Variants in FAM83F observed in about 807,000 individuals in gnomAD.
FAM83F encodes the protein protein FAM83F.
FAM83F carries 45 observed loss-of-function variants against 42.9 expected under a neutral mutation model. The ratio of observed to expected loss-of-function variants is 1.05; its 90% CI spans 0.83 to 1.35. FAM83F has a LOEUF of 1.35. Among genes scored for constraint, FAM83F ranks in the 40% most tolerant of loss-of-function variants. The probability of loss-of-function intolerance (pLI) is 0.00; values close to 1 mark genes in which losing one functional copy is unlikely to be tolerated. For missense variants in FAM83F, 617 were observed against 695.9 expected (o/e 0.89, Z 1.28); for synonymous variants, 306 against 298.3 (o/e 1.03, Z -0.27).
Position 40,021,581 on chromosome 22 carries a change from G to A in FAM83F, c.1071G>A (p.Gly357=). The change falls in exon 4 of 5, where the codon GGG becomes GGA. Residue 357 remains glycine, a synonymous_variant. Coordinates refer to ENST00000333407, the MANE Select transcript of FAM83F (RefSeq NM_138435.4). The surrounding 1 kb of genome is among the most constrained non-coding windows in gnomAD (Gnocchi z 8.7). ...GGGAGGCGGGCGGCAACCCGGAGGGGCAGGAGGAGGGCGCCAGCGGTGGCG... is the reference window on the plus strand; with the variant it reads ...GGGAGGCGGGCGGCAACCCGGAGGGACAGGAGGAGGGCGCCAGCGGTGGCG... ...QQREAGGNPE[G]QEEGASGGES... is the part of the protein sequence containing the mutation. The A allele has an allele frequency of 6.4e-7, 1 of 1,573,242 alleles. No individual in the cohort carries two copies. Among genetic ancestry groups the A allele is most frequent in the Non-Finnish European group, 8.7e-7 (1 of 1,154,622 alleles).
intron 1 of FAM83F, among the ~76,000 whole-genome samples, chr22:40,011,961 G>A (rs868376893): frequency 1.7e-4 from 26 of 152,264 alleles, no homozygotes; most frequent in African/African-American, 6.0e-4. Flanking sequence ...CTACAGAATA[G>A]CTGCACCAGT....
rs770121367 is a variant in FAM83F at position 40,019,952 on chromosome 22, C to G, written c.723C>G (p.Thr241=). 1.2e-6 allele frequency: 2 copies of G among 1,613,218 alleles called. No individual in the cohort carries two copies. The highest frequency in any genetic ancestry group is 1.7e-6 in the Non-Finnish European group (2 of 1,179,626). The change falls in exon 3 of 5, where the codon ACC becomes ACG. Residue 241 remains threonine, a synonymous_variant. Transcript: ENST00000333407. Reference sequence around the variant, plus strand: ...TGCCCATGGGGAGGATCAAGGGGACCCTGTCATCAAGGTTCCTGATGGTGG... The same window carrying G: ...TGCCCATGGGGAGGATCAAGGGGACGCTGTCATCAAGGTTCCTGATGGTGG... ...FYMPMGRIKG[T]LSSRFLMVDG...
At chr22:40,002,926 G>C (rs770366936) in intron 1 of FAM83F, among the ~76,000 whole-genome samples, 1 of 152,110 alleles carries the variant, frequency 6.6e-6, no homozygotes, top group Non-Finnish European at 1.5e-5. Flanking sequence ...CTGAGGCTCC[G>C]GGAAAGCATA....
At chr22:40,018,512 A>T (rs1030659132) in intron 1 of FAM83F, among the ~76,000 whole-genome samples, 1 of 151,940 alleles carries the variant, frequency 6.6e-6, no homozygotes, top group African/African-American at 2.4e-5. Context: ...GATCTCGGCT[A>T]ACTGCAACCT....
chr22:40,006,560 C>T (rs2067429992), intron 1 of FAM83F, among the ~76,000 whole-genome samples: 1 of 152,230 alleles, frequency 6.6e-6, no homozygotes. Context: ...AGAGCATTCC[C>T]ATCACTACAG....
At position 40,017,035 on chromosome 22, in the gene FAM83F, T is replaced by G. The variant is rs566617818; in HGVS notation, c.490-2133T>G. Among the ~76,000 whole-genome samples the G allele has an allele frequency of 1.5e-3, 233 of 152,260 alleles. 1 individual carries two copies. The highest frequency in any genetic ancestry group is 5.5e-3 in the African/African-American group (227 of 41,550). ...CTCTGATTCCTCAGATAAAACTTTT[T>G]TTTGTTTGTTTTTGTTTTTGTTTCT... On this transcript the variant is annotated intron_variant, in intron 1 of 4. Transcript: ENST00000333407.
In FAM83F at chr22:40,029,906, A is replaced by T. The variant is rs956703004; in HGVS notation, c.*341A>T. On this transcript the variant is annotated 3_prime_UTR_variant, in exon 5 of 5. Coordinates refer to ENST00000333407, the MANE Select transcript of FAM83F (RefSeq NM_138435.4). ...GTGAGGGCCCATTCTTTAAACCTTT[A>T]TGGGGTGGGGTGTCTGGGGCAGCTG... 20 of 218,840 alleles carry T rather than the reference A, an allele frequency of 9.1e-5. No individual in the cohort carries two copies. Among genetic ancestry groups the T allele is most frequent in the African/African-American group, 4.6e-4 (20 of 43,832 alleles). The allele number at this position is 218,840 out of a possible 1,614,324, so 13.6% of individuals were successfully genotyped here.
chr22:40,002,605 A>T (rs1482723676), intron 1 of FAM83F, among the ~76,000 whole-genome samples: 4 of 152,108 alleles, frequency 2.6e-5, no homozygotes, highest in Non-Finnish European at 5.9e-5. Flanking sequence ...GAGCCTGGGA[A>T]TCGTCATTTT....
In FAM83F at chr22:40,042,737, G is replaced by A. The variant is rs1020898233; in HGVS notation, c.*13172G>A. On this transcript the variant is annotated 3_prime_UTR_variant, in exon 5 of 5. Coordinates refer to ENST00000333407, the MANE Select transcript of FAM83F (RefSeq NM_138435.4). ...GGGCCTTTTACGATCAGAACAATGT[G>A]AAGGACACAAAGATGAAAAAGAAAC... 2.0e-5 allele frequency: 3 copies of A among 152,206 alleles called. No homozygotes were observed. The highest frequency in any genetic ancestry group is 4.8e-5 in the African/African-American group (2 of 41,448). 9.4% of individuals were successfully genotyped at this position (152,206 alleles called of 1,614,324 possible). A position where few individuals can be genotyped will look rare whatever the true frequency, so the allele number is the denominator to read the frequency against.
At chr22:40,019,027 T>C in intron 1 of FAM83F, 141 bp from the exon 2 acceptor site, 1 of 951,878 alleles carries the variant, frequency 1.1e-6, no homozygotes. Flanking sequence ...TCGGGGGACG[T>C]GGAACTCCAG....
rs762463384 is a variant in FAM83F, at chr22:40,021,473, G to A, written c.963G>A (p.Lys321=). 2.5e-6 allele frequency: 4 copies of A among 1,603,954 alleles called. No individual in the cohort carries two copies. Among genetic ancestry groups the A allele is most frequent in the Admixed American group, 3.4e-5 (2 of 59,378 alleles). Residue 321 remains lysine (K), a synonymous_variant, in exon 4 of 5, where the codon AAG becomes AAA. Transcript: ENST00000333407. The surrounding 1 kb of genome is among the most constrained non-coding windows in gnomAD (Gnocchi z 8.7). ...ATTACTCCTCCACTGTGGCTCGAAA[G>A]CTTATCAACCCCAAGTACGCCTTGG... ...GLHYSSTVAR[K]LINPKYALVS...
chr22:40,002,862 ATTTCG>A (rs1347681834), intron 1 of FAM83F, among the ~76,000 whole-genome samples: 25 of 152,278 alleles, frequency 1.6e-4, no homozygotes, highest in Admixed American at 3.9e-4. Flanking sequence ...CCTGTGTGCC[ATTTCG>A]TTTCGTTAAT....
intron 1 of FAM83F, among the ~76,000 whole-genome samples, chr22:40,005,961 C>A (rs528036396): frequency 6.6e-6 from 1 of 152,156 alleles, no homozygotes; most frequent in Non-Finnish European, 1.5e-5. Flanking sequence ...CTGTTGTAGC[C>A]GGGCGCGGTG....
At chr22:39,996,889 G>A (rs1011396771) in intron 1 of FAM83F, among the ~76,000 whole-genome samples, 15 of 152,212 alleles carry the variant, frequency 9.9e-5, no homozygotes, top group Admixed American at 8.5e-4. Flanking sequence ...GGACACAGAA[G>A]AGGGAAAAAG....
Position 39,995,426 on chromosome 22 carries a change from C to G in FAM83F, c.384C>G (p.Phe128Leu), listed in dbSNP as rs1413847626. Residue 128 changes from phenylalanine to leucine, a missense_variant, in exon 1 of 5, where the codon TTC becomes TTG. Coordinates refer to ENST00000333407, the MANE Select transcript of FAM83F (RefSeq NM_138435.4). The surrounding 1 kb of genome is among the most constrained non-coding windows in gnomAD (Gnocchi z 4.6). ...ACCTGGGCTGGACGGACACTGGTTT[C>G]TACCGCGGCGTGAGCCGGGTCACGC... is the stretch of plus-strand genomic sequence containing the variant. ...PLDLGWTDTGFYRGVSRVTLF... is the reference protein window; with the variant it reads ...PLDLGWTDTGLYRGVSRVTLF... 1 of 1,552,564 alleles carries G rather than the reference C, an allele frequency of 6.4e-7. No individual in the cohort carries two copies. The highest frequency in any genetic ancestry group is 1.2e-5 in the South Asian group (1 of 84,298).
intron 4 of FAM83F, among the ~76,000 whole-genome samples, chr22:40,026,793 TG>T (rs75712064): frequency 1.3e-5 from 2 of 152,076 alleles, no homozygotes; most frequent in East Asian, 3.9e-4. Context: ...GCTGGCAGTG[TG>T]GTCTGGCTCT....
intron 1 of FAM83F, among the ~76,000 whole-genome samples, chr22:39,998,503 A>G (rs2067381881): frequency 6.8e-6 from 1 of 146,722 alleles, no homozygotes; most frequent in Non-Finnish European, 1.5e-5. Context: ...AATTAGGAGA[A>G]CATGAATGGG....
intron 4 of FAM83F, 145 bp downstream of exon 4, chr22:40,022,108 C>T (rs2067526842): frequency 1.6e-5 from 12 of 769,932 alleles, no homozygotes; most frequent in South Asian, 5.7e-5. Flanking sequence ...TCTGGGGTTC[C>T]GGGGTCCTTG....
chr22:40,004,415 G>A (rs745779603), intron 1 of FAM83F, among the ~76,000 whole-genome samples: 8 of 151,858 alleles, frequency 5.3e-5, no homozygotes, highest in East Asian at 1.9e-4. Flanking sequence ...CGATTCTTCC[G>A]CCTCAGCCTC....
Sources: gnomAD v4.1 joint callset for allele counts (sites outside exome capture counted in the v4.1 genomes callset) on GRCh38, gnomAD v4.1.1 for gene constraint, Gnocchi (gnomAD v3.1) non-coding constraint, MANE v1.5 for transcripts, NCBI Gene and HGNC (gene_info 2026-07-23, HGNC 2026-07-21) for gene names.